AUTS2: variants seen among roughly 807,000 people sequenced by gnomAD.
AUTS2 encodes activator of transcription and developmental regulator AUTS2.
AUTS2 carries 17 observed loss-of-function variants against 112.4 expected under a neutral mutation model. That is an observed-to-expected ratio of 0.15 (90% CI 0.10 to 0.23). AUTS2 has a LOEUF of 0.23. AUTS2 is among the 10% of genes least tolerant of loss of function. AUTS2 has a pLI of 1.00. For synonymous variants in AUTS2, 751 were observed against 702.7 expected, an observed-to-expected ratio of 1.07 and a Z score of -1.09; for missense variants, 1,510 against 1,701.6, an observed-to-expected ratio of 0.89 and a Z score of 1.98.
intron 2 of AUTS2, among the ~76,000 whole-genome samples, chr7:70,022,699 G>A (rs1045675340): frequency 1.3e-5 from 2 of 151,872 alleles, no homozygotes; most frequent in African/African-American, 4.8e-5. Context: ...GCTATTTTTA[G>A]GGAGTGAGAG....
At chr7:70,780,918 T>C (rs1047313814) in intron 14 of AUTS2, among the ~76,000 whole-genome samples, 1 of 152,236 alleles carries the variant, frequency 6.6e-6, no homozygotes, top group African/African-American at 2.4e-5. Flanking sequence ...AGATTGTTCA[T>C]GCAGAATTCC....
intron 2 of AUTS2, among the ~76,000 whole-genome samples, chr7:70,107,790 G>C (rs926683272): frequency 2.0e-5 from 3 of 150,832 alleles, no homozygotes; most frequent in Admixed American, 2.0e-4. Flanking sequence ...GAGGCAGGCA[G>C]ATCACGAGGT....
chr7:70,699,537 C>A (rs1809328936), intron 6 of AUTS2: 2 of 152,192 alleles, frequency 1.3e-5, no homozygotes, highest in African/African-American at 2.4e-5. Flanking sequence ...GTTAGTAAGA[C>A]ATTTCCAAGT....
At chr7:69,824,252 A>T (rs1791137931) in intron 1 of AUTS2, among the ~76,000 whole-genome samples, 1 of 152,014 alleles carries the variant, frequency 6.6e-6, no homozygotes, top group Non-Finnish European at 1.5e-5. Context: ...TCTCTACTAA[A>T]AATACAAAAA....
intron 2 of AUTS2, among the ~76,000 whole-genome samples, chr7:70,023,197 T>C (rs1800351630): frequency 6.6e-6 from 1 of 152,204 alleles, no homozygotes; most frequent in African/African-American, 2.4e-5. Context: ...TTTTATAAGA[T>C]CATTATCACC....
intron 5 of AUTS2, among the ~76,000 whole-genome samples, chr7:70,448,831 GCAATTGTTCATTATAAAGGGGCTTAT>G (rs1796419872): frequency 6.6e-6 from 1 of 152,128 alleles, no homozygotes; most frequent in African/African-American, 2.4e-5. Flanking sequence ...CAATTACCAA[GCAATTGTTCATTATAAAGGGGCTTAT>G]CCATTTTCTG....
Position 69,631,757 on chromosome 7 carries a change from A to C in AUTS2, c.309+31795A>C, listed in dbSNP as rs911780039. ...TCTTCTTTATCTTCTAAAATCCCCAAATAACACTGTTCATAGCAAAACAGA... is the reference window on the plus strand; with the variant it reads ...TCTTCTTTATCTTCTAAAATCCCCACATAACACTGTTCATAGCAAAACAGA... On this transcript the variant is annotated intron_variant, in intron 1 of 18. Transcript: ENST00000342771. Among the ~76,000 whole-genome samples the C allele has an allele frequency of 7.2e-5, 11 of 152,326 alleles. No homozygotes were observed. In the South Asian group the frequency reaches 2.3e-3, roughly 32 times the overall value.
chr7:69,908,962 T>TG (rs1225190644), intron 2 of AUTS2, among the ~76,000 whole-genome samples: 1 of 152,082 alleles, frequency 6.6e-6, no homozygotes, highest in African/African-American at 2.4e-5. Flanking sequence ...GTCCATTGGG[T>TG]GGGGGTCAGG....
In AUTS2 at chr7:70,774,088, A is replaced by G; in HGVS notation, c.1891A>G (p.Lys631Glu). 6.2e-7 allele frequency: 1 copy of G among 1,614,108 alleles called. No individual in the cohort carries two copies. Among genetic ancestry groups the G allele is most frequent in the Non-Finnish European group, 8.5e-7 (1 of 1,179,996 alleles). ...PGTVPHTLLQKDPRLTDPFRP... is the reference protein window; with the variant it reads ...PGTVPHTLLQEDPRLTDPFRP... ...GACAGTCCCACACACTTTACTCCAA[A>G]AGGACCCGAGGGTACGTGCAAAGTC... Residue 631 changes from lysine to glutamate, a missense_variant, in exon 12 of 19, where the codon AAG becomes GAG. Physicochemically the swap from Lys to Glu is moderately conservative, Grantham distance 56. Coordinates refer to ENST00000342771, the MANE Select transcript of AUTS2 (RefSeq NM_015570.4).
intron 4 of AUTS2, among the ~76,000 whole-genome samples, chr7:70,324,733 C>G (rs777131893): frequency 1.8e-4 from 28 of 152,232 alleles, no homozygotes; most frequent in Non-Finnish European, 3.5e-4. Context: ...GACACTGAAA[C>G]TTTCCTAGGA....
chr7:70,376,460 G>T (rs919966846), intron 4 of AUTS2, among the ~76,000 whole-genome samples: 11 of 152,006 alleles, frequency 7.2e-5, no homozygotes, highest in Non-Finnish European at 1.5e-4. Context: ...GTGAGATGTG[G>T]CCGGCACACC....
At chr7:69,620,619 G>A (rs1433330669) in intron 1 of AUTS2, among the ~76,000 whole-genome samples, 1 of 152,106 alleles carries the variant, frequency 6.6e-6, no homozygotes, top group Non-Finnish European at 1.5e-5. Context: ...TTCCCAGCAC[G>A]TAAGGACTCT....
At position 70,132,760 on chromosome 7, in the gene AUTS2, T is replaced by C. The variant is rs548714057; in HGVS notation, c.625-1776T>C. On this transcript the variant is annotated intron_variant, in intron 3 of 18. Coordinates refer to ENST00000342771, the MANE Select transcript of AUTS2 (RefSeq NM_015570.4). The stretch of plus-strand genomic sequence containing the variant: ...TTCTTTGGTATACGATAAGATGATA[T>C]GTATGTGGGGGTAGGGAAGTGGGTT... Among the ~76,000 whole-genome samples, 13 of 152,224 alleles carry C rather than the reference T, an allele frequency of 8.5e-5. No individual in the cohort carries two copies. The East Asian group carries it at 2.5e-3, about 29-fold the overall frequency.
At chr7:70,075,546 C>G (rs1344230471) in intron 2 of AUTS2, among the ~76,000 whole-genome samples, 1 of 152,092 alleles carries the variant, frequency 6.6e-6, no homozygotes, top group African/African-American at 2.4e-5. Context: ...TATTCAGTAT[C>G]CTTAATGTAC....
chr7:70,446,887 G>T (rs1585155558), intron 5 of AUTS2, among the ~76,000 whole-genome samples: 1 of 152,148 alleles, frequency 6.6e-6, no homozygotes, highest in East Asian at 1.9e-4. Flanking sequence ...CCACCCAGGG[G>T]ATGTTTATGT....
At chr7:70,191,643 T>TTAACAGATTTGTTCAAA (rs1344335218) in intron 4 of AUTS2, among the ~76,000 whole-genome samples, 2 of 152,248 alleles carry the variant, frequency 1.3e-5, no homozygotes, top group African/African-American at 2.4e-5. Flanking sequence ...CAGAAGATGA[T>TTAACAGATTTGTTCAAA]TAACAGATTT....
intron 6 of AUTS2, among the ~76,000 whole-genome samples, chr7:70,702,209 G>A (rs918178261): frequency 2.6e-5 from 4 of 152,238 alleles, no homozygotes; most frequent in African/African-American, 9.6e-5. Flanking sequence ...AGGGAAGCCT[G>A]TCTGGGAGGA....
Position 70,487,155 on chromosome 7 carries a change from G to A in AUTS2, c.690+51374G>A, listed in dbSNP as rs567118943. Among the ~76,000 whole-genome samples the A allele has an allele frequency of 5.3e-5, 8 of 152,200 alleles. No individual in the cohort carries two copies. In the South Asian group the frequency reaches 1.7e-3, roughly 32 times the overall value. ...TGTGAAGACTTCTCCAGCATGTTGT[G>A]AAATGTTCTTGAGTGACACATTTTG... is the stretch of plus-strand genomic sequence containing the variant. On this transcript the variant is annotated intron_variant, in intron 5 of 18. Coordinates refer to ENST00000342771, the MANE Select transcript of AUTS2 (RefSeq NM_015570.4).
intron 4 of AUTS2, among the ~76,000 whole-genome samples, chr7:70,260,331 ACTC>A (rs913830986): frequency 1.3e-5 from 2 of 151,824 alleles, no homozygotes; most frequent in African/African-American, 4.8e-5. Flanking sequence ...ACGCCACTGT[ACTC>A]CTGCCTGGGT....
Sources: allele counts gnomAD v4.1 joint callset (sites outside exome capture counted in the v4.1 genomes callset), GRCh38; gene constraint gnomAD v4.1.1; transcripts MANE v1.5; gene names NCBI Gene and HGNC (gene_info 2026-07-23, HGNC 2026-07-21).